The following CACNA2D3 variants were observed in gnomAD, a reference collection of about 807,000 sequenced individuals.
CACNA2D3 encodes the protein calcium voltage-gated channel auxiliary subunit alpha2delta 3.
Under a neutral mutation model 160.6 loss-of-function variants are expected in CACNA2D3, and 60 were observed. The ratio of observed to expected loss-of-function variants is 0.37; its 90% CI spans 0.30 to 0.46. The LOEUF (loss-of-function observed/expected upper bound fraction) is 0.46. Ranked by LOEUF, CACNA2D3 falls within the 20% of genes least tolerant of loss-of-function variation. The pLI is 1.00. For missense variants in CACNA2D3, 1,205 were observed against 1,365.0 expected, an observed-to-expected ratio of 0.88 and a Z score of 1.85; for synonymous variants, 558 against 492.9, an observed-to-expected ratio of 1.13 and a Z score of -1.75.
At chr3:54,826,909 G>C (rs957080723) in intron 14 of CACNA2D3, among the ~76,000 whole-genome samples, 4 of 152,186 alleles carry the variant, frequency 2.6e-5, no homozygotes, top group African/African-American at 9.7e-5. Context: ...GGCCTAGTCT[G>C]GAATGGTCTT....
intron 2 of CACNA2D3, among the ~76,000 whole-genome samples, chr3:54,288,285 C>T (rs2107472759): frequency 6.6e-6 from 1 of 152,300 alleles, no homozygotes; most frequent in African/African-American, 2.4e-5. Context: ...TCAGAAAATA[C>T]TACAAACACC....
chr3:54,366,468 G>C (rs931334928), intron 3 of CACNA2D3, among the ~76,000 whole-genome samples: 14 of 152,186 alleles, frequency 9.2e-5, no homozygotes, highest in Admixed American at 2.6e-4. Context: ...CTGAAACTTG[G>C]AAAGCAAATG....
intron 27 of CACNA2D3, among the ~76,000 whole-genome samples, chr3:54,922,119 G>A (rs750250738): frequency 2.2e-4 from 34 of 152,038 alleles, no homozygotes; most frequent in Non-Finnish European, 4.4e-4. Flanking sequence ...CTGTTGTGAC[G>A]GCGTGTTGAA....
chr3:54,346,166 TGTAA>T (rs1698455159), intron 3 of CACNA2D3, among the ~76,000 whole-genome samples: 1 of 152,198 alleles, frequency 6.6e-6, no homozygotes, highest in East Asian at 1.9e-4. Context: ...GTGATTCATT[TGTAA>T]GTGTTACTTC....
At chr3:55,038,907 T>TATACACAC (rs1553636480) in intron 35 of CACNA2D3, among the ~76,000 whole-genome samples, 5 of 113,064 alleles carry the variant, frequency 4.4e-5, no homozygotes, top group African/African-American at 1.6e-4. Context: ...TATATATATA[T>TATACACAC]ACACACACTG....
chr3:54,185,680 GC>G, intron 2 of CACNA2D3, among the ~76,000 whole-genome samples: 1 of 152,272 alleles, frequency 6.6e-6, no homozygotes, highest in South Asian at 2.1e-4. Context: ...ACTCGACTCT[GC>G]TGTTGTTGTG....
rs141861390 is a variant in CACNA2D3 at position 54,683,546 on chromosome 3, G to A, written c.1167+41305G>A. Reference sequence around the variant, plus strand: ...TAAAATGGAAATTACCAATACTTAGGTCAAAGGTGGCGAGCATTGAAATAA... The same window carrying A: ...TAAAATGGAAATTACCAATACTTAGATCAAAGGTGGCGAGCATTGAAATAA... On this transcript the variant is annotated intron_variant, in intron 11 of 37. Coordinates refer to ENST00000474759, the MANE Select transcript of CACNA2D3 (RefSeq NM_018398.3). 6.6e-3 allele frequency among the ~76,000 whole-genome samples: 1,010 copies of A among 152,246 alleles called. 16 individuals are homozygous for A. Among genetic ancestry groups the A allele is most frequent in the African/African-American group, 0.023 (944 of 41,530 alleles).
At chr3:54,239,387 T>A (rs1701937639) in intron 2 of CACNA2D3, among the ~76,000 whole-genome samples, 2 of 151,952 alleles carry the variant, frequency 1.3e-5, no homozygotes, top group African/African-American at 4.8e-5. Context: ...TTTTTAGCCT[T>A]TAGAGATTTT....
At chr3:54,846,855 C>A (rs774510096) in intron 17 of CACNA2D3, among the ~76,000 whole-genome samples, 1 of 152,146 alleles carries the variant, frequency 6.6e-6, no homozygotes, top group Non-Finnish European at 1.5e-5. Context: ...TAATTTGACA[C>A]GATAAATTAG....
At chr3:54,386,609 G>T in intron 3 of CACNA2D3, 106 bp from the exon 4 acceptor site, 2 of 1,022,318 alleles carry the variant, frequency 2.0e-6, no homozygotes, top group Non-Finnish European at 2.8e-6. Context: ...AGATCACAAT[G>T]TATGAACCAC....
chr3:54,309,982 C>G (rs1045637891), intron 2 of CACNA2D3, among the ~76,000 whole-genome samples: 1 of 151,958 alleles, frequency 6.6e-6, no homozygotes, highest in Non-Finnish European at 1.5e-5. Context: ...ATTTCTAAAA[C>G]AGTCTTTTGT....
At chr3:54,611,731 C>T (rs1460760436) in intron 9 of CACNA2D3, among the ~76,000 whole-genome samples, 1 of 151,932 alleles carries the variant, frequency 6.6e-6, no homozygotes, top group African/African-American at 2.4e-5. Context: ...GAATTGCCAT[C>T]TTTAATATGT....
chr3:54,210,496 G>A (rs1270106120), intron 2 of CACNA2D3, among the ~76,000 whole-genome samples: 1 of 152,004 alleles, frequency 6.6e-6, no homozygotes, highest in African/African-American at 2.4e-5. Flanking sequence ...GAAAAAATAT[G>A]TTTAAAAATC....
chr3:54,429,972 T>C (rs1030329884), intron 4 of CACNA2D3, among the ~76,000 whole-genome samples: 1 of 152,166 alleles, frequency 6.6e-6, no homozygotes, highest in African/African-American at 2.4e-5. Context: ...GACAATCTGT[T>C]TAGAGCAATA....
At chr3:54,151,505 G>A (rs909889803) in intron 2 of CACNA2D3, among the ~76,000 whole-genome samples, 4 of 152,118 alleles carry the variant, frequency 2.6e-5, no homozygotes, top group African/African-American at 9.7e-5. Context: ...AGGGGCCTTG[G>A]AATTATTGGC....
At chr3:54,619,234 G>A (rs774242725) in intron 9 of CACNA2D3, among the ~76,000 whole-genome samples, 9 of 152,160 alleles carry the variant, frequency 5.9e-5, no homozygotes, top group Admixed American at 2.0e-4. Flanking sequence ...CACATAATAC[G>A]TCTCCTCTTG....
At chr3:54,431,363 A>C (rs1410669160) in intron 4 of CACNA2D3, among the ~76,000 whole-genome samples, 1 of 151,898 alleles carries the variant, frequency 6.6e-6, no homozygotes, top group Non-Finnish European at 1.5e-5. Context: ...ATCATAAAGA[A>C]GATAAAATAT....
chr3:54,145,547 A>G lies in CACNA2D3; in HGVS notation c.204+21953A>G, dbSNP rs542712266. Reference sequence around the variant, plus strand: ...AAGGATTCCAGGTGGTTTCTGAATGACAGGCTTGTTATATGCAGCAGAGCC... The same window carrying G: ...AAGGATTCCAGGTGGTTTCTGAATGGCAGGCTTGTTATATGCAGCAGAGCC... On this transcript the variant is annotated intron_variant, in intron 2 of 37. Coordinates refer to ENST00000474759, the MANE Select transcript of CACNA2D3 (RefSeq NM_018398.3). Among the ~76,000 whole-genome samples the G allele has an allele frequency of 5.3e-5, 8 of 152,324 alleles. No homozygotes were observed. In the East Asian group the frequency reaches 1.5e-3, roughly 29 times the overall value.
At chr3:54,677,380 A>G (rs116262359) in intron 11 of CACNA2D3, among the ~76,000 whole-genome samples, 260 of 152,326 alleles carry the variant, frequency 1.7e-3, no homozygotes, top group Non-Finnish European at 2.7e-3. Context: ...GATTGAGTTG[A>G]TATTTGAACT....
Sources: gnomAD v4.1 joint callset for allele counts (sites outside exome capture counted in the v4.1 genomes callset) on GRCh38, gnomAD v4.1.1 for gene constraint, MANE v1.5 for transcripts, NCBI Gene and HGNC (gene_info 2026-07-23, HGNC 2026-07-21) for gene names.